CTNNBIP1: variants seen among roughly 807,000 people sequenced by gnomAD.
CTNNBIP1 encodes beta-catenin-interacting protein 1.
In CTNNBIP1, 7 loss-of-function variants were observed where a neutral mutation model predicts 11.8. That is an observed-to-expected ratio of 0.60 (90% CI 0.34 to 1.12). CTNNBIP1 has a LOEUF of 1.12. CTNNBIP1 is among the 50% of genes most tolerant of loss of function. The pLI, the probability that CTNNBIP1 is intolerant of heterozygous loss-of-function variation, is 0.03. For missense variants in CTNNBIP1, 101 were observed against 113.4 expected (o/e 0.89, Z 0.50); for synonymous variants, 58 against 43.9 (o/e 1.32, Z -1.26).
At chr1:9,859,701 G>C (rs956898723) in intron 5 of CTNNBIP1, among the ~76,000 whole-genome samples, 29 of 152,222 alleles carry the variant, frequency 1.9e-4, no homozygotes, top group Non-Finnish European at 2.8e-4. Flanking sequence ...AATAGTGGAT[G>C]AAAGAGAGGA....
At chr1:9,876,393 G>A (rs1408092131) in intron 3 of CTNNBIP1, among the ~76,000 whole-genome samples, 5 of 152,168 alleles carry the variant, frequency 3.3e-5, no homozygotes, top group Admixed American at 1.3e-4. Context: ...GAGGCGGGCA[G>A]ATCACCTGAG....
At chr1:9,870,833 G>C (rs1023345461) in intron 5 of CTNNBIP1, among the ~76,000 whole-genome samples, 1 of 152,226 alleles carries the variant, frequency 6.6e-6, no homozygotes, top group African/African-American at 2.4e-5. Flanking sequence ...ACAGGGTGCT[G>C]GGTGGGTAGG....
At chr1:9,897,613 T>C (rs1046086286) in intron 1 of CTNNBIP1, among the ~76,000 whole-genome samples, 11 of 150,476 alleles carry the variant, frequency 7.3e-5, no homozygotes, top group Non-Finnish European at 1.3e-4. Flanking sequence ...GATCCTGCTA[T>C]TGCACTCCAG....
Position 9,850,484 on chromosome 1 carries a change from T to C in CTNNBIP1, c.*234A>G. ...GTCAAGATTTAAAAAATAAAAAAGT[T>C]TCTTCCTGCAGCCAATCACAAGTCC... is the stretch of plus-strand genomic sequence containing the variant. On this transcript the variant is annotated 3_prime_UTR_variant, in exon 6 of 6. Coordinates refer to ENST00000377263, the MANE Select transcript of CTNNBIP1 (RefSeq NM_020248.3). 2.4e-6 allele frequency: 1 copy of C among 424,036 alleles called. No individual in the cohort carries two copies. The highest frequency in any genetic ancestry group is 6.9e-5 in the South Asian group (1 of 14,422). 26.3% of individuals were successfully genotyped at this position (424,036 alleles called of 1,614,324 possible).
intron 1 of CTNNBIP1, among the ~76,000 whole-genome samples, chr1:9,884,400 T>G (rs1054880045): frequency 1.3e-5 from 2 of 152,010 alleles, no homozygotes; most frequent in African/African-American, 4.8e-5. Context: ...CAGCCAGGCC[T>G]TAATCCCCGA....
intron 5 of CTNNBIP1, 76 bp from the exon 6 acceptor site, chr1:9,850,852 G>C: frequency 7.2e-6 from 10 of 1,397,208 alleles, no homozygotes; most frequent in Non-Finnish European, 1.0e-5. Context: ...AGGAGGCTGC[G>C]GCCAAGCTGG....
intron 5 of CTNNBIP1, among the ~76,000 whole-genome samples, chr1:9,866,994 G>T (rs1638761065): frequency 6.6e-6 from 1 of 152,158 alleles, no homozygotes; most frequent in Admixed American, 6.5e-5. Context: ...ATTGGTCAGG[G>T]CAGAGCACAG....
chr1:9,872,110 C>G lies in CTNNBIP1; in HGVS notation c.-24-22G>C, dbSNP rs1286006660. 7.0e-7 allele frequency: 1 copy of G among 1,422,828 alleles called. No individual in the cohort carries two copies. Among genetic ancestry groups the G allele is most frequent in the East Asian group, 2.3e-5 (1 of 43,920 alleles). The allele number at this position is 1,422,828 out of a possible 1,614,324, so 88.1% of individuals were successfully genotyped here. ...ACTCCTGCAGAGCAAGCAACAGCAT[C>G]AAAAGGGAAGAGATCAGGATGTGAC... On this transcript the variant is annotated intron_variant, in intron 3 of 5. Coordinates refer to ENST00000377263, the MANE Select transcript of CTNNBIP1 (RefSeq NM_020248.3). This position sits in a 1 kb window ranked among gnomAD's most constrained non-coding sequence, Gnocchi z 4.0.
Position 9,883,207 on chromosome 1 carries a change from A to G in CTNNBIP1, c.-110+498T>C, listed in dbSNP as rs1187813831. Among the ~76,000 whole-genome samples, 1 of 152,064 alleles carries G rather than the reference A, an allele frequency of 6.6e-6. No homozygotes were observed. The highest frequency in any genetic ancestry group is 1.5e-5 in the Non-Finnish European group (1 of 67,980). ...CGGAGGGCATTGGGCCCTGGTCAGG[A>G]GATGACTCGGGCAGAGTGGTCTCCC... On this transcript the variant is annotated intron_variant, in intron 2 of 5. Coordinates refer to ENST00000377263, the MANE Select transcript of CTNNBIP1 (RefSeq NM_020248.3). This position sits in a 1 kb window ranked among gnomAD's most constrained non-coding sequence, Gnocchi z 5.6.
At chr1:9,884,887 G>T (rs1397048490) in intron 1 of CTNNBIP1, among the ~76,000 whole-genome samples, 1 of 152,146 alleles carries the variant, frequency 6.6e-6, no homozygotes, top group Non-Finnish European at 1.5e-5. Context: ...CTATGGTGGG[G>T]GCACAGGGGC....
chr1:9,897,206 G>A (rs1639425624), intron 1 of CTNNBIP1, among the ~76,000 whole-genome samples: 1 of 152,116 alleles, frequency 6.6e-6, no homozygotes, highest in African/African-American at 2.4e-5. Flanking sequence ...TGTAATCCCA[G>A]CACTTTGGGA....
At chr1:9,857,687 G>C (rs999758566) in intron 5 of CTNNBIP1, among the ~76,000 whole-genome samples, 1 of 151,894 alleles carries the variant, frequency 6.6e-6, no homozygotes, top group African/African-American at 2.4e-5. Flanking sequence ...TGTAGTCCCA[G>C]CTACTGGGGA....
intron 1 of CTNNBIP1, among the ~76,000 whole-genome samples, chr1:9,896,491 G>A (rs944825762): frequency 7.9e-5 from 12 of 152,232 alleles, no homozygotes; most frequent in East Asian, 1.9e-4. Flanking sequence ...CTGAGGTCAG[G>A]AGTTCGAGAG....
chr1:9,881,418 C>T (rs1222585784), intron 2 of CTNNBIP1, among the ~76,000 whole-genome samples: 1 of 141,588 alleles, frequency 7.1e-6, no homozygotes, highest in East Asian at 2.1e-4. Flanking sequence ...CAGCTCACTG[C>T]AACCTCCGCC....
chr1:9,874,006 G>C (rs2101486234), intron 3 of CTNNBIP1, among the ~76,000 whole-genome samples: 1 of 152,178 alleles, frequency 6.6e-6, no homozygotes, highest in East Asian at 1.9e-4. Context: ...CCCCAAAACA[G>C]ATGATATCAC....
At chr1:9,887,320 A>G (rs1347597308) in intron 1 of CTNNBIP1, among the ~76,000 whole-genome samples, 5 of 152,260 alleles carry the variant, frequency 3.3e-5, no homozygotes, top group African/African-American at 1.2e-4. Context: ...CCATGGAGTA[A>G]TAAGTGGTAA....
intron 1 of CTNNBIP1, among the ~76,000 whole-genome samples, chr1:9,898,405 T>C (rs1252494517): frequency 6.6e-6 from 1 of 151,946 alleles, no homozygotes; most frequent in African/African-American, 2.4e-5. Flanking sequence ...GTGCCTGTAA[T>C]CCCAGCTACT....
chr1:9,889,414 A>C (rs1639250492), intron 1 of CTNNBIP1, among the ~76,000 whole-genome samples: 2 of 152,128 alleles, frequency 1.3e-5, no homozygotes, highest in African/African-American at 4.8e-5. Context: ...ACGTCTGGAG[A>C]GCTGAGTGAG....
Position 9,871,292 on chromosome 1 carries a change from A to G in CTNNBIP1, c.97-15T>C. On this transcript the variant is annotated splice_polypyrimidine_tract_variant and intron_variant, in intron 4 of 5. Transcript: ENST00000377263. The surrounding 1 kb of genome is among the most constrained non-coding windows in gnomAD (Gnocchi z 5.2). Reference sequence around the variant, plus strand: ...CTGGCTGTCAGCTGCAGGGTGAGAGAGCTGTGGTGAGGGGCAGCATGCACC... The same window carrying G: ...CTGGCTGTCAGCTGCAGGGTGAGAGGGCTGTGGTGAGGGGCAGCATGCACC... 1 of 1,548,004 alleles carries G rather than the reference A, an allele frequency of 6.5e-7. No homozygotes were observed. The highest frequency in any genetic ancestry group is 8.8e-7 in the Non-Finnish European group (1 of 1,142,620).
Sources: allele counts gnomAD v4.1 joint callset (sites outside exome capture counted in the v4.1 genomes callset), GRCh38; gene constraint gnomAD v4.1.1; non-coding constraint Gnocchi (gnomAD v3.1); transcripts MANE v1.5; gene names NCBI Gene and HGNC (gene_info 2026-07-23, HGNC 2026-07-21).